IFIT1: variants seen among roughly 807,000 people sequenced by gnomAD.
The protein encoded by IFIT1 is antiviral innate immune response effector IFIT1.
In IFIT1, 1 loss-of-function variant was observed where a neutral mutation model predicts 2.5. The observed-to-expected ratio is 0.40, with a 90% CI of 0.14 to 1.92. The LOEUF is 1.92. Ranked by LOEUF, IFIT1 falls within the 40% of genes most tolerant of loss-of-function variation. The probability of loss-of-function intolerance (pLI) is 0.31; values close to 1 mark genes in which losing one functional copy is unlikely to be tolerated. For synonymous variants in IFIT1, 191 were observed against 201.7 expected, an observed-to-expected ratio of 0.95 and a Z score of 0.45; for missense variants, 508 against 557.8, an observed-to-expected ratio of 0.91 and a Z score of 0.90.
At chr10:89,401,022 T>C (rs1223208140) in intron 1 of IFIT1, among the ~76,000 whole-genome samples, 3 of 152,176 alleles carry the variant, frequency 2.0e-5, no homozygotes, top group Admixed American at 6.5e-5. Flanking sequence ...GAGATGGTCA[T>C]GTATTTATTC....
chr10:89,394,872 G>A (rs1480319619), intron 1 of IFIT1, among the ~76,000 whole-genome samples: 1 of 151,738 alleles, frequency 6.6e-6, no homozygotes, highest in East Asian at 1.9e-4. Flanking sequence ...CCCAGCAACT[G>A]TTAATCTGCT....
rs758453411 is a variant in IFIT1 at position 89,392,689 on chromosome 10, A to G, written c.-24A>G. The G allele has an allele frequency of 5.0e-6, 8 of 1,613,996 alleles. No individual in the cohort carries two copies. The highest frequency in any genetic ancestry group is 6.8e-6 in the Non-Finnish European group (8 of 1,179,866). Reference sequence around the variant, plus strand: ...GCCTGGCTAAGCAAAACCCTGCAGAACGGCTGCCTAATTTACAGCAACCAT... The same window carrying G: ...GCCTGGCTAAGCAAAACCCTGCAGAGCGGCTGCCTAATTTACAGCAACCAT... On this transcript the variant is annotated 5_prime_UTR_variant, in exon 1 of 2. Coordinates refer to ENST00000371804, the MANE Select transcript of IFIT1 (RefSeq NM_001548.5).
intron 1 of IFIT1, among the ~76,000 whole-genome samples, chr10:89,394,870 C>A (rs1428665120): frequency 6.6e-6 from 1 of 151,940 alleles, no homozygotes; most frequent in Non-Finnish European, 1.5e-5. Flanking sequence ...GCCCCAGCAA[C>A]TGTTAATCTG....
intron 1 of IFIT1, among the ~76,000 whole-genome samples, chr10:89,394,581 T>A (rs1445198136): frequency 3.8e-4 from 7 of 18,264 alleles, no homozygotes; most frequent in African/African-American, 2.1e-3. Context: ...CAGGAAAATA[T>A]ATATATATAT....
At position 89,403,416 on chromosome 10, in the gene IFIT1, C is replaced by G. The variant is rs373831328; in HGVS notation, c.1141C>G (p.His381Asp). 1.2e-6 allele frequency: 2 copies of G among 1,613,790 alleles called. No individual in the cohort carries two copies. The highest frequency in any genetic ancestry group is 1.3e-5 in the African/African-American group (1 of 74,902). The change falls in exon 2 of 2, where the codon CAT (histidine) becomes GAT (aspartate). Residue 381 changes from histidine to aspartate, a missense_variant. By Grantham distance (81) the His-to-Asp change is moderately conservative. Transcript: ENST00000371804. ...GGTAGAAGAAACAATGCAAGACATA[C>G]ATTTCCACTATGGTCGGTTTCAGGA... The part of the protein sequence containing the change: ...PVVEETMQDI[H>D]FHYGRFQEFQ...
chr10:89,403,746 T>G lies in IFIT1; in HGVS notation c.*34T>G. On this transcript the variant is annotated 3_prime_UTR_variant, in exon 2 of 2. Coordinates refer to ENST00000371804, the MANE Select transcript of IFIT1 (RefSeq NM_001548.5). The stretch of plus-strand genomic sequence containing the variant: ...ATATCAGCCACTTTCACATTTCATT[T>G]CATTTTATGCTAACATTTACTAATC... The G allele has an allele frequency of 1.7e-6, 2 of 1,159,312 alleles. No homozygotes were observed. Among genetic ancestry groups the G allele is most frequent in the Non-Finnish European group, 2.5e-6 (2 of 804,470 alleles). 71.8% of individuals were successfully genotyped at this position (1,159,312 alleles called of 1,614,324 possible). A position where few individuals can be genotyped will look rare whatever the true frequency, so the allele number is the denominator to read the frequency against.
intron 1 of IFIT1, among the ~76,000 whole-genome samples, chr10:89,394,379 G>A (rs1844302666): frequency 6.6e-6 from 1 of 151,968 alleles, no homozygotes; most frequent in Non-Finnish European, 1.5e-5. Context: ...ATTTAGAAAT[G>A]TTAAGATCAC....
chr10:89,403,790 T>A lies in IFIT1; in HGVS notation c.*78T>A. 1 of 774,376 alleles carries A rather than the reference T, an allele frequency of 1.3e-6. No individual in the cohort carries two copies. Among genetic ancestry groups the A allele is most frequent in the Non-Finnish European group, 2.1e-6 (1 of 479,122 alleles). 48.0% of individuals were successfully genotyped at this position (774,376 alleles called of 1,614,324 possible). A position where few individuals can be genotyped will look rare whatever the true frequency, so the allele number is the denominator to read the frequency against. The stretch of plus-strand genomic sequence containing the variant: ...ACTAATCATCTTTTCTGCTTACTGT[T>A]TTCAGAAACATTATAATTCACTGTA... On this transcript the variant is annotated 3_prime_UTR_variant, in exon 2 of 2. Transcript: ENST00000371804.
chr10:89,402,810 G>T lies in IFIT1; in HGVS notation c.535G>T (p.Ala179Ser). Reference sequence around the variant, plus strand: ...GGACCCTGAAAACCCTGAATCCAGCGCTGGGTATGCGATCTCTGCCTATCG... The same window carrying T: ...GGACCCTGAAAACCCTGAATCCAGCTCTGGGTATGCGATCTCTGCCTATCG... ...EVDPENPESS[A>S]GYAISAYRLD... Residue 179 changes from alanine to serine, a missense_variant, in exon 2 of 2, where the codon GCT (alanine) becomes TCT (serine). Physicochemically the swap from Ala to Ser is moderately conservative, Grantham distance 99 (BLOSUM62 1). Transcript: ENST00000371804. 1 of 1,614,234 alleles carries T rather than the reference G, an allele frequency of 6.2e-7. No individual in the cohort carries two copies. Among genetic ancestry groups the T allele is most frequent in the Non-Finnish European group, 8.5e-7 (1 of 1,180,044 alleles).
In IFIT1 at chr10:89,403,856, T is replaced by G. The variant is rs941977264; in HGVS notation, c.*144T>G. 2 of 593,588 alleles carry G rather than the reference T, an allele frequency of 3.4e-6. No individual in the cohort carries two copies. The highest frequency in any genetic ancestry group is 2.9e-4 in the Middle Eastern group (1 of 3,390). The allele number at this position is 593,588 out of a possible 1,614,324, so 36.8% of individuals were successfully genotyped here. ...AATAATAAATCTGACAAAATATTAG[T>G]TGTGTTCAACAATTAGTGAAACAGA... is the stretch of plus-strand genomic sequence containing the variant. On this transcript the variant is annotated 3_prime_UTR_variant, in exon 2 of 2. Transcript: ENST00000371804.
chr10:89,400,614 A>C (rs931156022), intron 1 of IFIT1, among the ~76,000 whole-genome samples: 1 of 152,190 alleles, frequency 6.6e-6, no homozygotes, highest in Non-Finnish European at 1.5e-5. Context: ...CTGATTTTTC[A>C]TGTAGATTTT....
rs577220625 is a variant in IFIT1, at chr10:89,403,902, AAG to A, written c.*194_*195del. 10 of 505,618 alleles carry A rather than the reference AAG, an allele frequency of 2.0e-5. No individual in the cohort carries two copies. Among genetic ancestry groups the A allele is most frequent in the Non-Finnish European group, 3.1e-5 (9 of 290,062 alleles). 31.3% of individuals were successfully genotyped at this position (505,618 alleles called of 1,614,324 possible). A position where few individuals can be genotyped will look rare whatever the true frequency, so the allele number is the denominator to read the frequency against. ...ACAGAATGTGTGTATGCATGTAAGA[AAG>A]AGAAATCATTTGTATGAGTGCTATG... is the stretch of plus-strand genomic sequence containing the variant. On this transcript the variant is annotated 3_prime_UTR_variant, in exon 2 of 2. Transcript: ENST00000371804.
chr10:89,395,944 C>G (rs1346098871), intron 1 of IFIT1, among the ~76,000 whole-genome samples: 1 of 152,066 alleles, frequency 6.6e-6, no homozygotes, highest in African/African-American at 2.4e-5. Flanking sequence ...ACATAATATT[C>G]CACTTTATGG....
At chr10:89,393,408 C>A in intron 1 of IFIT1, 1 of 768,832 alleles carries the variant, frequency 1.3e-6, no homozygotes, top group Non-Finnish European at 1.8e-6. Context: ...ACCTAAAGGG[C>A]CTAATGTGGG....
At chr10:89,393,199 A>G in intron 1 of IFIT1, 1 of 1,289,928 alleles carries the variant, frequency 7.8e-7, no homozygotes, top group South Asian at 1.2e-5. Context: ...TACAGTGGAG[A>G]TGTGGTAGGA....
chr10:89,406,422 C>T lies in IFIT1; in HGVS notation c.*2710C>T, dbSNP rs982041778. Reference sequence around the variant, plus strand: ...CCCGAGCTGGCAGCGGCAACCCGCTCGGGTCCCCTTCCATGCTGTGGAAGT... The same window carrying T: ...CCCGAGCTGGCAGCGGCAACCCGCTTGGGTCCCCTTCCATGCTGTGGAAGT... On this transcript the variant is annotated 3_prime_UTR_variant, in exon 2 of 2. Coordinates refer to ENST00000371804, the MANE Select transcript of IFIT1 (RefSeq NM_001548.5). The T allele has an allele frequency of 9.2e-5, 14 of 152,348 alleles. No homozygotes were observed. Among genetic ancestry groups the T allele is most frequent in the African/African-American group, 1.7e-4 (7 of 41,558 alleles). 9.4% of individuals were successfully genotyped at this position (152,348 alleles called of 1,614,324 possible). A position where few individuals can be genotyped will look rare whatever the true frequency, so the allele number is the denominator to read the frequency against.
In IFIT1 at chr10:89,403,760, C is replaced by A. The variant is rs1844482911; in HGVS notation, c.*48C>A. 1 of 991,270 alleles carries A rather than the reference C, an allele frequency of 1.0e-6. No individual in the cohort carries two copies. The highest frequency in any genetic ancestry group is 1.5e-6 in the Non-Finnish European group (1 of 659,234). The allele number at this position is 991,270 out of a possible 1,614,324, so 61.4% of individuals were successfully genotyped here. A position where few individuals can be genotyped will look rare whatever the true frequency, so the allele number is the denominator to read the frequency against. On this transcript the variant is annotated 3_prime_UTR_variant, in exon 2 of 2. Transcript: ENST00000371804. ...CACATTTCATTTCATTTTATGCTAA[C>A]ATTTACTAATCATCTTTTCTGCTTA... is the stretch of plus-strand genomic sequence containing the variant.
chr10:89,402,197 C>A, intron 1 of IFIT1, 84 bp from the exon 2 acceptor site: 1 of 808,412 alleles, frequency 1.2e-6, no homozygotes, highest in South Asian at 1.7e-5. Context: ...CAAGGATAAG[C>A]ACTAAAATAC....
In IFIT1 at chr10:89,403,897, TAAGA is replaced by T. The variant is rs994240857; in HGVS notation, c.*190_*193del. ...GTGAAACAGAATGTGTGTATGCATG[TAAGA>T]AAGAGAAATCATTTGTATGAGTGCT... On this transcript the variant is annotated 3_prime_UTR_variant, in exon 2 of 2. Coordinates refer to ENST00000371804, the MANE Select transcript of IFIT1 (RefSeq NM_001548.5). 5 of 509,246 alleles carry T rather than the reference TAAGA, an allele frequency of 9.8e-6. No homozygotes were observed. The highest frequency in any genetic ancestry group is 3.9e-5 in the African/African-American group (2 of 51,126). The allele number at this position is 509,246 out of a possible 1,614,324, so 31.5% of individuals were successfully genotyped here. A position where few individuals can be genotyped will look rare whatever the true frequency, so the allele number is the denominator to read the frequency against.
Sources: allele counts gnomAD v4.1 joint callset (sites outside exome capture counted in the v4.1 genomes callset), GRCh38; gene constraint gnomAD v4.1.1; transcripts MANE v1.5; gene names NCBI Gene and HGNC (gene_info 2026-07-23, HGNC 2026-07-21).